SPPL3: variants seen among roughly 807,000 people sequenced by gnomAD.
The protein encoded by SPPL3 is signal peptide peptidase like 3.
A neutral mutation model predicts 42.4 loss-of-function variants in SPPL3; 5 were observed. The ratio of observed to expected loss-of-function variants is 0.12; its 90% CI spans 0.06 to 0.25. The LOEUF (loss-of-function observed/expected upper bound fraction) is 0.25. SPPL3 is among the 10% of genes least tolerant of loss of function. The probability of loss-of-function intolerance (pLI) is 1.00; values close to 1 mark genes in which losing one functional copy is unlikely to be tolerated. For synonymous variants in SPPL3, 195 were observed against 181.8 expected (o/e 1.07, Z -0.58); for missense variants, 235 against 489.0 (o/e 0.48, Z 4.90).
rs544511593 is a variant in SPPL3, at chr12:120,764,236, C to T, written c.*763G>A. On this transcript the variant is annotated 3_prime_UTR_variant, in exon 11 of 11. Coordinates refer to ENST00000353487, the MANE Select transcript of SPPL3 (RefSeq NM_139015.5). ...AGTAAACTGCTCGACATGCTCAAAA[C>T]GACAGCAAGCCCCTGTCAGCTACAC... The T allele has an allele frequency of 2.6e-5, 4 of 152,448 alleles. No homozygotes were observed. Among genetic ancestry groups the T allele is most frequent in the African/African-American group, 7.2e-5 (3 of 41,564 alleles). 9.4% of individuals were successfully genotyped at this position (152,448 alleles called of 1,614,324 possible).
At chr12:120,796,986 A>G (rs899201345) in intron 2 of SPPL3, among the ~76,000 whole-genome samples, 1 of 152,178 alleles carries the variant, frequency 6.6e-6, no homozygotes, top group African/African-American at 2.4e-5. Flanking sequence ...CCTGGCCAAC[A>G]TGGTGAAACC....
At chr12:120,827,304 T>A (rs989329309) in intron 1 of SPPL3, among the ~76,000 whole-genome samples, 1 of 147,304 alleles carries the variant, frequency 6.8e-6, no homozygotes, top group African/African-American at 2.5e-5. Context: ...CCAAGAAATA[T>A]AACTGCTGCT....
At position 120,782,839 on chromosome 12, in the gene SPPL3, C is replaced by T. The variant is rs1037731180; in HGVS notation, c.390-72G>A. On this transcript the variant is annotated intron_variant, in intron 5 of 10. Coordinates refer to ENST00000353487, the MANE Select transcript of SPPL3 (RefSeq NM_139015.5). ...GTAACCAAATTCTCCTTTGGTATTT[C>T]GTGATGGCTGGATTAGAATAGCAGA... The T allele has an allele frequency of 1.0e-4, 116 of 1,120,508 alleles. 1 individual carries two copies. Among genetic ancestry groups the T allele is most frequent in the Non-Finnish European group, 7.3e-5 (55 of 757,562 alleles). 69.4% of individuals were successfully genotyped at this position (1,120,508 alleles called of 1,614,324 possible).
At chr12:120,779,533 C>T (rs1869447968) in intron 6 of SPPL3, among the ~76,000 whole-genome samples, 1 of 152,154 alleles carries the variant, frequency 6.6e-6, no homozygotes, top group Non-Finnish European at 1.5e-5. Context: ...TATATTTTAA[C>T]CTTCTTCTCT....
At chr12:120,852,105 C>CAT (rs71076666) in intron 1 of SPPL3, among the ~76,000 whole-genome samples, 146,262 of 151,970 alleles carry the variant, frequency 0.96, 70,644 homozygotes, top group South Asian at 1. Flanking sequence ...GTGATACCCA[C>CAT]GAGTTTGAAC....
chr12:120,783,175 C>A (rs1468586371), intron 5 of SPPL3, among the ~76,000 whole-genome samples: 1 of 152,176 alleles, frequency 6.6e-6, no homozygotes. Context: ...CGAGCATCAG[C>A]TGCCACCAAT....
At chr12:120,817,947 A>G (rs1870935236) in intron 1 of SPPL3, among the ~76,000 whole-genome samples, 1 of 152,150 alleles carries the variant, frequency 6.6e-6, no homozygotes, top group African/African-American at 2.4e-5. Context: ...GGGTAAGACT[A>G]CGATCAATGG....
intron 1 of SPPL3, among the ~76,000 whole-genome samples, chr12:120,820,976 G>C (rs1321444914): frequency 1.3e-5 from 2 of 151,850 alleles, no homozygotes; most frequent in Non-Finnish European, 2.9e-5. Flanking sequence ...ATATTTCATG[G>C]AAAGACATAT....
chr12:120,903,757 T>A, intron 1 of SPPL3, 88 bp downstream of exon 1: 1 of 514,470 alleles, frequency 1.9e-6, no homozygotes, highest in Non-Finnish European at 3.1e-6. Context: ...CACGCACCTG[T>A]TCTTCCTCCT....
At chr12:120,861,186 C>G (rs1219475715) in intron 1 of SPPL3, among the ~76,000 whole-genome samples, 1 of 152,136 alleles carries the variant, frequency 6.6e-6, no homozygotes, top group Non-Finnish European at 1.5e-5. Context: ...ACAGGGCCAA[C>G]TGTTCTCAAA....
intron 1 of SPPL3, among the ~76,000 whole-genome samples, chr12:120,831,069 T>TTC (rs375855863): frequency 0.032 from 4,744 of 149,782 alleles, 90 homozygotes; most frequent in Non-Finnish European, 0.05. Context: ...GAAGGGCAAA[T>TTC]TCTCTCTCTC....
At chr12:120,852,980 C>A (rs1289967998) in intron 1 of SPPL3, among the ~76,000 whole-genome samples, 1 of 150,882 alleles carries the variant, frequency 6.6e-6, no homozygotes, top group Non-Finnish European at 1.5e-5. Flanking sequence ...CTGCAACCTC[C>A]ACCTCTTGGG....
chr12:120,810,387 A>G (rs370629611), intron 2 of SPPL3, among the ~76,000 whole-genome samples: 107 of 89,376 alleles, frequency 1.2e-3, no homozygotes, highest in African/African-American at 7.2e-3. Flanking sequence ...TTTTGGTTAG[A>G]AAAAAAAAAT....
At chr12:120,873,876 AAATTAATT>A (rs763868893) in intron 1 of SPPL3, among the ~76,000 whole-genome samples, 1 of 152,134 alleles carries the variant, frequency 6.6e-6, no homozygotes, top group African/African-American at 2.4e-5. Context: ...CATCTCAAAA[AAATTAATT>A]AATTAATTAA....
At chr12:120,858,465 A>G (rs1592999005) in intron 1 of SPPL3, among the ~76,000 whole-genome samples, 1 of 36,186 alleles carries the variant, frequency 2.8e-5, no homozygotes, top group Admixed American at 6.1e-4. Context: ...TCAAGAAAAC[A>G]AAAAAAAAAA....
At chr12:120,852,370 GTA>G (rs1055844826) in intron 1 of SPPL3, among the ~76,000 whole-genome samples, 1 of 58,234 alleles carries the variant, frequency 1.7e-5, no homozygotes, top group Non-Finnish European at 3.9e-5. Flanking sequence ...TGAAATATAT[GTA>G]TATATAATAT....
At chr12:120,860,003 G>A (rs1380470963) in intron 1 of SPPL3, among the ~76,000 whole-genome samples, 1 of 152,180 alleles carries the variant, frequency 6.6e-6, no homozygotes, top group Non-Finnish European at 1.5e-5. Context: ...CACTTTGGGA[G>A]GCCAAGGCGC....
intron 1 of SPPL3, among the ~76,000 whole-genome samples, chr12:120,816,852 G>A (rs914049594): frequency 6.6e-6 from 1 of 152,128 alleles, no homozygotes; most frequent in African/African-American, 2.4e-5. Flanking sequence ...AAAACTGGAT[G>A]ACAAACTGAA....
chr12:120,884,644 T>C (rs554496054), intron 1 of SPPL3, among the ~76,000 whole-genome samples: 7 of 152,028 alleles, frequency 4.6e-5, no homozygotes, highest in African/African-American at 1.4e-4. Context: ...TCTGTGTTGG[T>C]AGAATTGTGG....
Sources: gnomAD v4.1 joint callset for allele counts (sites outside exome capture counted in the v4.1 genomes callset) on GRCh38, gnomAD v4.1.1 for gene constraint, MANE v1.5 for transcripts, NCBI Gene and HGNC (gene_info 2026-07-23, HGNC 2026-07-21) for gene names.